The following ZMYM3 variants were observed in gnomAD, a reference collection of about 807,000 sequenced individuals.
ZMYM3 encodes the protein zinc finger MYM-type protein 3.
In ZMYM3, 6 loss-of-function variants were observed where a neutral mutation model predicts 94.2. The ratio of observed to expected loss-of-function variants is 0.06; its 90% confidence interval spans 0.03 to 0.13. The LOEUF (loss-of-function observed/expected upper bound fraction) is 0.13, where lower values mean the gene tolerates loss of function less well. ZMYM3 is among the 10% of genes least tolerant of loss of function. The pLI is 1.00. For missense variants in ZMYM3, 664 were observed against 1,132.6 expected (o/e 0.59, Z 5.94); for synonymous variants, 420 against 426.5 (o/e 0.98, Z 0.19).
Position 71,252,445 on chromosome X carries a change from G to A in ZMYM3, c.667+144C>T, listed in dbSNP as rs763882714. 22 of 362,314 alleles carry A rather than the reference G, an allele frequency of 6.1e-5. No homozygotes were observed. The South Asian group carries it at 9.8e-4, about 16-fold the overall frequency. The allele number at this position is 362,314 out of a possible 1,213,427, so 29.9% of individuals were successfully genotyped here. ...CTACACACCACCCCACTCCTCCCTC[G>A]TAAACCCCAAGTCCTTCCCCACACA... is the stretch of plus-strand genomic sequence containing the variant. On this transcript the variant is annotated intron_variant, in intron 2 of 24. Coordinates refer to ENST00000314425, the MANE Select transcript of ZMYM3 (RefSeq NM_201599.3).
intron 11 of ZMYM3, 112 bp downstream of exon 11, chrX:71,248,050 A>G: frequency 2.7e-6 from 3 of 1,116,986 alleles, no homozygotes; most frequent in Non-Finnish European, 2.4e-6. Flanking sequence ...GGGGTAGAAC[A>G]TCCCGGGCAG....
At chrX:71,242,881 G>A in intron 22 of ZMYM3, 89 bp downstream of exon 22, 1 of 901,730 alleles carries the variant, frequency 1.1e-6, no homozygotes, top group Non-Finnish European at 1.6e-6. Context: ...TTTGTGAAGA[G>A]TGGCAGACCA....
In ZMYM3 at chrX:71,246,611, T is replaced by C; in HGVS notation, c.2396A>G (p.Asn799Ser). 8.3e-7 allele frequency: 1 copy of C among 1,211,228 alleles called. No homozygotes were observed. Among genetic ancestry groups the C allele is most frequent in the Non-Finnish European group, 1.1e-6 (1 of 895,251 alleles). Residue 799 changes from asparagine to serine, a missense_variant, in exon 14 of 25, where the codon AAT (asparagine) becomes AGT (serine). Asn to Ser is a conservative substitution (Grantham distance 46). This residue lies in a region of ZMYM3 where 57 missense variants were observed against 52.0 expected (regional missense o/e 1.10). Coordinates refer to ENST00000314425, the MANE Select transcript of ZMYM3 (RefSeq NM_201599.3). ...TGCCCCGACCTTGCCCAAATTCCCA[T>C]TTTCCTCTGGGGTCCTCACTGTGTT... Reference protein sequence around the residue: ...NSNTVRTPEENGNLGKIPVKT... With the variant: ...NSNTVRTPEESGNLGKIPVKT...
chrX:71,248,347 G>GT (rs771230497), intron 10 of ZMYM3, 35 bp from the exon 11 acceptor site: 1 of 1,192,847 alleles, frequency 8.4e-7, no homozygotes, highest in East Asian at 3.0e-5. Flanking sequence ...AGGACAAGCT[G>GT]TAACATCTGG....
chrX:71,250,046 T>C lies in ZMYM3; in HGVS notation c.1231A>G (p.Ile411Val). ...GDPADATRCS[I>V]CQKTGEVLHE... ...CTCACCTCTCCAGTCTTCTGGCATA[T>C]GCTGCAGCGAGTAGCGTCGGCGGGA... is the stretch of plus-strand genomic sequence containing the variant. The change falls in exon 6 of 25, where the codon ATA (isoleucine) becomes GTA (valine). Residue 411 changes from isoleucine (I) to valine (V), a missense_variant. By Grantham distance (29) the Ile-to-Val change is conservative (BLOSUM62 3). Around this residue, in one of 9 missense-constraint regions of ZMYM3, gnomAD observed 51 missense variants for 53.0 expected, o/e 0.96. Coordinates refer to ENST00000314425, the MANE Select transcript of ZMYM3 (RefSeq NM_201599.3). The C allele has an allele frequency of 8.4e-7, 1 of 1,187,091 alleles. No homozygotes were observed. The highest frequency in any genetic ancestry group is 1.1e-6 in the Non-Finnish European group (1 of 884,206).
Position 71,253,039 on chromosome X carries a change from G to A in ZMYM3, c.217C>T (p.Leu73=), listed in dbSNP as rs770489811. 1 of 1,202,232 alleles carries A rather than the reference G, an allele frequency of 8.3e-7. No individual in the cohort carries two copies. The highest frequency in any genetic ancestry group is 1.1e-6 in the Non-Finnish European group (1 of 890,692). ...PAGLEKDPGV[L]DGATELLGLG... The stretch of plus-strand genomic sequence containing the variant: ...CCCAGCAACTCAGTGGCTCCATCCA[G>A]GACTCCAGGGTCTTTTTCCAGGCCA... Residue 73 remains leucine, a synonymous_variant, in exon 2 of 25, where the codon CTG becomes TTG. Coordinates refer to ENST00000314425, the MANE Select transcript of ZMYM3 (RefSeq NM_201599.3).
Position 71,248,288 on chromosome X carries a change from G to A in ZMYM3, c.1849C>T (p.Arg617Cys). 1 of 1,206,048 alleles carries A rather than the reference G, an allele frequency of 8.3e-7. No homozygotes were observed. The highest frequency in any genetic ancestry group is 1.1e-6 in the Non-Finnish European group (1 of 892,344). The change falls in exon 11 of 25, where the codon CGT becomes TGT. Residue 617 changes from arginine (R) to cysteine (C), a missense_variant. Physicochemically the swap from Arg to Cys is radical, Grantham distance 180 (BLOSUM62 -3). Transcript: ENST00000314425. Reference sequence around the variant, plus strand: ...CGCTTGAAGTCCTCACAGCAATCACGGCAGCAGAACTGGAACACTTGGTCC... The same window carrying A: ...CGCTTGAAGTCCTCACAGCAATCACAGCAGCAGAACTGGAACACTTGGTCC... ...WQDQVFQFCCRDCCEDFKRLR... is the reference protein window; with the variant it reads ...WQDQVFQFCCCDCCEDFKRLR...
At chrX:71,249,984 C>T (rs1418023787) in intron 6 of ZMYM3, 42 bp downstream of exon 6, 1 of 1,139,925 alleles carries the variant, frequency 8.8e-7, no homozygotes, top group Admixed American at 2.8e-5. Flanking sequence ...CAGGTCAGGG[C>T]TGGCCAGGCT....
At position 71,250,080 on chromosome X, in the gene ZMYM3, C is replaced by G; in HGVS notation, c.1197G>C (p.Gln399His). Reference protein sequence around the residue: ...YEAQQQRPIPQSGDPADATRC... With the variant: ...YEAQQQRPIPHSGDPADATRC... ...GAGTAGCGTCGGCGGGATCCCCAGA[C>G]TGGGGGATCGGGCGCTGCTGCTGGG... Residue 399 changes from glutamine (Q) to histidine (H), a missense_variant, in exon 6 of 25, where the codon CAG (glutamine) becomes CAC (histidine). This residue lies in a region of ZMYM3 where 51 missense variants were observed against 53.0 expected (regional missense o/e 0.96). Transcript: ENST00000314425. 1 of 1,204,827 alleles carries G rather than the reference C, an allele frequency of 8.3e-7. No homozygotes were observed. The highest frequency in any genetic ancestry group is 1.8e-5 in the South Asian group (1 of 55,535).
At position 71,248,330 on chromosome X, in the gene ZMYM3, G is replaced by A; in HGVS notation, c.1825-18C>T. On this transcript the variant is annotated intron_variant, in intron 10 of 24. Coordinates refer to ENST00000314425, the MANE Select transcript of ZMYM3 (RefSeq NM_201599.3). ...ACTTGGTCCTGAGGTGGGGGCACAG[G>A]GCAGGGAGGACAAGCTGTAACATCT... is the stretch of plus-strand genomic sequence containing the variant. 1 of 1,195,270 alleles carries A rather than the reference G, an allele frequency of 8.4e-7. No homozygotes were observed. Among genetic ancestry groups the A allele is most frequent in the Non-Finnish European group, 1.1e-6 (1 of 885,975 alleles).
chrX:71,253,365 C>G, intron 1 of ZMYM3, 91 bp from the exon 2 acceptor site: 2 of 753,436 alleles, frequency 2.7e-6, no homozygotes, highest in Non-Finnish European at 3.6e-6. Context: ...CCATCATCCA[C>G]TTGGATTTCT....
chrX:71,243,778 C>T, intron 21 of ZMYM3, 51 bp downstream of exon 21: 1 of 1,199,240 alleles, frequency 8.3e-7, no homozygotes, highest in Non-Finnish European at 1.1e-6. Flanking sequence ...TGTTTAGACC[C>T]TGCCTGCTGT....
At position 71,250,566 on chromosome X, in the gene ZMYM3, A is replaced by G; in HGVS notation, c.939T>C (p.His313=). The G allele has an allele frequency of 8.3e-7, 1 of 1,211,654 alleles. No homozygotes were observed. Among genetic ancestry groups the G allele is most frequent in the South Asian group, 1.8e-5 (1 of 56,831 alleles). ...GCCCCTTCTGCAGTGGTGTCCGGCAATGTGCACAAGTCATCTTGGTGCCCA... is the reference window on the plus strand; with the variant it reads ...GCCCCTTCTGCAGTGGTGTCCGGCAGTGTGCACAAGTCATCTTGGTGCCCA... ...SAVGTKMTCA[H]CRTPLQKGQT... The change falls in exon 5 of 25, where the codon CAT becomes CAC. Residue 313 remains histidine, a synonymous_variant. Coordinates refer to ENST00000314425, the MANE Select transcript of ZMYM3 (RefSeq NM_201599.3).
In ZMYM3 at chrX:71,253,013, C is replaced by T. The variant is rs748717839; in HGVS notation, c.243G>A (p.Gly81=). The T allele has an allele frequency of 6.9e-5, 83 of 1,205,666 alleles. No homozygotes were observed. In the East Asian group the frequency reaches 2.4e-3, roughly 35 times the overall value. The change falls in exon 2 of 25, where the codon GGG becomes GGA. Residue 81 remains glycine, a synonymous_variant. Transcript: ENST00000314425. ...GVLDGATELL[G]LGGLLYKAPS... ...GGGCTTTATAGAGCAGCCCCCCCAG[C>T]CCCAGCAACTCAGTGGCTCCATCCA... is the stretch of plus-strand genomic sequence containing the variant.
chrX:71,242,534 G>C, intron 22 of ZMYM3, 110 bp from the exon 23 acceptor site: 1 of 988,218 alleles, frequency 1.0e-6, no homozygotes, highest in South Asian at 2.3e-5. Flanking sequence ...CATTTGGTGA[G>C]TAACCTTTGT....
chrX:71,247,572 C>A, intron 12 of ZMYM3, 62 bp from the exon 13 acceptor site: 1 of 1,167,375 alleles, frequency 8.6e-7, no homozygotes, highest in Non-Finnish European at 1.1e-6. Context: ...CCTTTCTTTC[C>A]CCCGGGATAA....
In ZMYM3 at chrX:71,240,713, G is replaced by A; in HGVS notation, c.*203C>T. On this transcript the variant is annotated 3_prime_UTR_variant, in exon 25 of 25. Coordinates refer to ENST00000314425, the MANE Select transcript of ZMYM3 (RefSeq NM_201599.3). ...ACTGGGAGACCAGCCCCTGAGTACA[G>A]AAGACCAGGGCCCCATGGTTGTCAA... 1 of 413,272 alleles carries A rather than the reference G, an allele frequency of 2.4e-6. No homozygotes were observed. Among genetic ancestry groups the A allele is most frequent in the Non-Finnish European group, 4.1e-6 (1 of 243,928 alleles). 34.1% of individuals were successfully genotyped at this position (413,272 alleles called of 1,213,427 possible). A position where few individuals can be genotyped will look rare whatever the true frequency, so the allele number is the denominator to read the frequency against.
intron 21 of ZMYM3, chrX:71,243,608 CTT>C: frequency 1.1e-5 from 4 of 368,683 alleles, no homozygotes; most frequent in Non-Finnish European, 1.4e-5. Flanking sequence ...AGAATAACTG[CTT>C]TTTTTTTTCA....
rs867408054 is a variant in ZMYM3 at position 71,253,114 on chromosome X, G to C, written c.142C>G (p.Pro48Ala). The part of the protein sequence containing the change: ...QTAPTRGWAP[P>A]GPSPSSGALD... The stretch of plus-strand genomic sequence containing the variant: ...GCTCCCGAGGATGGAGAAGGGCCAG[G>C]GGGGGCCCATCCTCGAGTTGGGGCA... The change falls in exon 2 of 25, where the codon CCT (proline) becomes GCT (alanine). Residue 48 changes from proline (P) to alanine (A), a missense_variant. Pro to Ala is a conservative substitution (Grantham distance 27). This residue lies in a region of ZMYM3 where 196 missense variants were observed against 190.8 expected (regional missense o/e 1.03). Coordinates refer to ENST00000314425, the MANE Select transcript of ZMYM3 (RefSeq NM_201599.3). 3 of 1,205,364 alleles carry C rather than the reference G, an allele frequency of 2.5e-6. No individual in the cohort carries two copies. Among genetic ancestry groups the C allele is most frequent in the East Asian group, 3.0e-5 (1 of 33,693 alleles).
Sources: allele counts gnomAD v4.1 joint callset, GRCh38; gene constraint gnomAD v4.1.1; regional missense constraint gnomAD v4.1.1; transcripts MANE v1.5; gene names NCBI Gene and HGNC (gene_info 2026-07-23, HGNC 2026-07-21).